Variants in PURG observed in about 807,000 individuals in gnomAD.
PURG encodes purine rich element binding protein G, also known as purine-rich element-binding protein gamma.
In PURG, 3 loss-of-function variants were observed where a neutral mutation model predicts 24.3. That is an observed-to-expected ratio of 0.12 (90% CI 0.06 to 0.32). The LOEUF (loss-of-function observed/expected upper bound fraction) is 0.32. PURG is among the 10% of genes least tolerant of loss of function. The probability of loss-of-function intolerance (pLI) is 1.00; values close to 1 mark genes in which losing one functional copy is unlikely to be tolerated. For missense variants in PURG, 371 were observed against 439.1 expected (o/e 0.84, Z 1.39); for synonymous variants, 180 against 173.1 (o/e 1.04, Z -0.31).
chr8:31,016,499 G>T (rs1302735831), intron 1 of PURG, among the ~76,000 whole-genome samples: 7 of 143,194 alleles, frequency 4.9e-5, no homozygotes, highest in African/African-American at 7.7e-5. Flanking sequence ...ATTCCATGGT[G>T]TCATGACTGA....
intron 1 of PURG, chr8:30,996,787 C>A: frequency 1.0e-6 from 1 of 973,198 alleles, no homozygotes; most frequent in Non-Finnish European, 1.5e-6. Context: ...TAATTAATCT[C>A]GTTGAAAACC....
chr8:31,014,097 T>TA (rs1447355138), intron 1 of PURG, among the ~76,000 whole-genome samples: 6 of 152,190 alleles, frequency 3.9e-5, no homozygotes, highest in African/African-American at 4.8e-5. Context: ...AGCAGATCAT[T>TA]AAAAAAATCT....
chr8:31,004,256 A>AAAATGAGTTTCT (rs1452503298), intron 1 of PURG, among the ~76,000 whole-genome samples: 1 of 152,238 alleles, frequency 6.6e-6, no homozygotes, highest in Non-Finnish European at 1.5e-5. Flanking sequence ...ATTACAGATC[A>AAAATGAGTTTCT]AAATGAGTTT....
At chr8:31,016,861 T>G (rs1457654151) in intron 1 of PURG, among the ~76,000 whole-genome samples, 2 of 152,160 alleles carry the variant, frequency 1.3e-5, no homozygotes, top group Non-Finnish European at 2.9e-5. Flanking sequence ...TAGAACTCAT[T>G]AGAAGCAAAT....
intron 1 of PURG, among the ~76,000 whole-genome samples, chr8:31,025,391 C>T (rs1051215449): frequency 4.6e-5 from 7 of 151,888 alleles, no homozygotes; most frequent in African/African-American, 9.7e-5. Context: ...TATCTTTTAA[C>T]AACACCTCTT....
chr8:31,003,389 A>T (rs369286777), intron 1 of PURG, among the ~76,000 whole-genome samples: 1 of 150,180 alleles, frequency 6.7e-6, no homozygotes, highest in Non-Finnish European at 1.5e-5. Context: ...GGGTACCATT[A>T]TTTTTTTTTT....
Position 31,011,125 on chromosome 8 carries a change from A to G in PURG, c.865-14428T>C, listed in dbSNP as rs140347973. ...TTTTTGTCAATCCAAACATATGAGGAGAAAAAGAATTTGTGAATATACTGA... is the reference window on the plus strand; with the variant it reads ...TTTTTGTCAATCCAAACATATGAGGGGAAAAAGAATTTGTGAATATACTGA... On this transcript the variant is annotated intron_variant, in intron 1 of 1. Transcript: ENST00000339382. Among the ~76,000 whole-genome samples the G allele has an allele frequency of 1.8e-3, 280 of 152,352 alleles. 2 individuals are homozygous for G. Among genetic ancestry groups the G allele is most frequent in the African/African-American group, 6.4e-3 (266 of 41,588 alleles).
Position 31,031,918 on chromosome 8 carries a change from C to A in PURG, c.865G>T (p.Val289Leu). The part of the protein sequence containing the change: ...GSNKYGIFLK[V>L]SEVRPPYRNT... ...CGGTAAGGTGGTCTCACCTCACTTACCTTCAGGAAAATTCCATATTTATTA... is the reference window on the plus strand; with the variant it reads ...CGGTAAGGTGGTCTCACCTCACTTAACTTCAGGAAAATTCCATATTTATTA... The change falls in exon 2 of 2, where the codon GTA (valine) becomes TTA (leucine). Residue 289 changes from valine to leucine, a missense_variant. Physicochemically the swap from Val to Leu is conservative, Grantham distance 32 (BLOSUM62 1). Coordinates refer to ENST00000523392, the MANE Select transcript of PURG (RefSeq NM_001323311.2). 1 of 1,614,130 alleles carries A rather than the reference C, an allele frequency of 6.2e-7. No individual in the cohort carries two copies. The highest frequency in any genetic ancestry group is 8.5e-7 in the Non-Finnish European group (1 of 1,180,038).
intron 1 of PURG, among the ~76,000 whole-genome samples, chr8:31,022,118 G>A (rs528558291): frequency 8.6e-5 from 13 of 152,020 alleles, no homozygotes; most frequent in East Asian, 3.9e-4. Flanking sequence ...TTACAGGAGC[G>A]TGCCACCATG....
At chr8:31,023,394 G>C (rs117143420) in intron 1 of PURG, among the ~76,000 whole-genome samples, 3 of 152,042 alleles carry the variant, frequency 2.0e-5, no homozygotes, top group South Asian at 4.1e-4. Flanking sequence ...TAAACAAATA[G>C]GCACTAAAAG....
chr8:31,031,937 T>C lies in PURG; in HGVS notation c.846A>G (p.Lys282=). Residue 282 remains lysine (K), a synonymous_variant, in exon 2 of 2, where the codon AAA becomes AAG. Transcript: ENST00000523392. ...KRFYFDVGSN[K]YGIFLKVSEV... Reference sequence around the variant, plus strand: ...CACTTACCTTCAGGAAAATTCCATATTTATTAGAGCCCACATCAAAGTAGA... The same window carrying C: ...CACTTACCTTCAGGAAAATTCCATACTTATTAGAGCCCACATCAAAGTAGA... 6.2e-7 allele frequency: 1 copy of C among 1,614,214 alleles called. No homozygotes were observed. The highest frequency in any genetic ancestry group is 8.5e-7 in the Non-Finnish European group (1 of 1,180,040).
intron 1 of PURG, among the ~76,000 whole-genome samples, chr8:31,024,756 G>A (rs1811059536): frequency 6.6e-6 from 1 of 151,926 alleles, no homozygotes; most frequent in South Asian, 2.1e-4. Flanking sequence ...ACTTTAATCA[G>A]ATCAAGTAAG....
chr8:31,031,410 G>T lies in PURG; in HGVS notation c.*329C>A. On this transcript the variant is annotated 3_prime_UTR_variant, in exon 2 of 2. Transcript: ENST00000523392. ...TATTTAAGTATATGTATCTTTTTTC[G>T]GGATTATGTCATAGTGCAATGTAAA... 4.7e-6 allele frequency: 1 copy of T among 214,560 alleles called. No homozygotes were observed. The highest frequency in any genetic ancestry group is 9.3e-6 in the Non-Finnish European group (1 of 107,588). 13.3% of individuals were successfully genotyped at this position (214,560 alleles called of 1,614,324 possible).
rs569519956 is a variant in PURG, at chr8:31,009,724, G to A, written c.865-13027C>T. On this transcript the variant is annotated intron_variant, in intron 1 of 1. Coordinates refer to the PURG transcript ENST00000339382. ...CAAATGAGAATACTGCAGTGCTCTA[G>A]GGCCTTCACTGTCAACAACTGTAAT... Among the ~76,000 whole-genome samples the A allele has an allele frequency of 2.0e-5, 3 of 152,260 alleles. No homozygotes were observed. The South Asian group carries it at 6.2e-4, about 32-fold the overall frequency.
At chr8:31,025,745 G>A (rs935624464) in intron 1 of PURG, among the ~76,000 whole-genome samples, 1 of 151,698 alleles carries the variant, frequency 6.6e-6, no homozygotes, top group African/African-American at 2.4e-5. Flanking sequence ...GGGGACGGGT[G>A]CTCACAAAAC....
intron 1 of PURG, among the ~76,000 whole-genome samples, chr8:31,000,190 T>C (rs1810510716): frequency 1.3e-5 from 2 of 152,098 alleles, no homozygotes; most frequent in Non-Finnish European, 2.9e-5. Context: ...TCTATTTCTT[T>C]ACTCTAAATA....
At chr8:31,011,758 C>T (rs1405522128) in intron 1 of PURG, among the ~76,000 whole-genome samples, 12 of 152,158 alleles carry the variant, frequency 7.9e-5, no homozygotes, top group South Asian at 4.1e-4. Flanking sequence ...AAATATTTGT[C>T]TTTCCTAAGT....
rs968753237 is a variant in PURG, at chr8:31,030,954, T to G, written c.*785A>C. The stretch of plus-strand genomic sequence containing the variant: ...CATAGCAAAGCCATTGGATGAAGCC[T>G]CCCACTCAATGTGACATAAAAGTAA... On this transcript the variant is annotated 3_prime_UTR_variant, in exon 2 of 2. Coordinates refer to ENST00000523392, the MANE Select transcript of PURG (RefSeq NM_001323311.2). 1 of 152,294 alleles carries G rather than the reference T, an allele frequency of 6.6e-6. No homozygotes were observed. Among genetic ancestry groups the G allele is most frequent in the Non-Finnish European group, 1.5e-5 (1 of 67,916 alleles). 9.4% of individuals were successfully genotyped at this position (152,294 alleles called of 1,614,324 possible). A position where few individuals can be genotyped will look rare whatever the true frequency, so the allele number is the denominator to read the frequency against.
At position 31,031,593 on chromosome 8, in the gene PURG, A is replaced by C. The variant is rs535674879; in HGVS notation, c.*146T>G. ...GATCTATGTGTAACATAACATGAGAATCAGACTTCCTGAAGTATCAACTAC... is the reference window on the plus strand; with the variant it reads ...GATCTATGTGTAACATAACATGAGACTCAGACTTCCTGAAGTATCAACTAC... On this transcript the variant is annotated 3_prime_UTR_variant, in exon 2 of 2. Coordinates refer to ENST00000523392, the MANE Select transcript of PURG (RefSeq NM_001323311.2). 2.8e-6 allele frequency: 2 copies of C among 709,550 alleles called. No homozygotes were observed. The highest frequency in any genetic ancestry group is 3.9e-5 in the South Asian group (2 of 51,234). The allele number at this position is 709,550 out of a possible 1,614,324, so 44.0% of individuals were successfully genotyped here.
Sources: allele counts gnomAD v4.1 joint callset (sites outside exome capture counted in the v4.1 genomes callset), GRCh38; gene constraint gnomAD v4.1.1; transcripts MANE v1.5; gene names NCBI Gene and HGNC (gene_info 2026-07-23, HGNC 2026-07-21).